LRP1B: variants seen among roughly 807,000 people sequenced by gnomAD.
LRP1B encodes the protein LDL receptor related protein 1B.
LRP1B carries 217 observed loss-of-function variants against 556.6 expected under a neutral mutation model. That is an observed-to-expected ratio of 0.39 (90% CI 0.35 to 0.44). LRP1B has a LOEUF of 0.44. Among genes scored for constraint, LRP1B ranks in the 20% least tolerant of loss-of-function variants. The pLI is 1.00. For synonymous variants in LRP1B, 2,047 were observed against 1,865.8 expected (o/e 1.10, Z -2.50); for missense variants, 5,053 against 5,620.8 (o/e 0.90, Z 3.23).
intron 2 of LRP1B, among the ~76,000 whole-genome samples, chr2:141,751,861 AT>A (rs955785451): frequency 1.7e-4 from 25 of 148,282 alleles, no homozygotes; most frequent in Middle Eastern, 3.4e-3. Context: ...AGTATGACTG[AT>A]TTTTTTTTAT....
At chr2:141,718,861 G>A (rs921806818) in intron 2 of LRP1B, among the ~76,000 whole-genome samples, 1 of 152,128 alleles carries the variant, frequency 6.6e-6, no homozygotes, top group Non-Finnish European at 1.5e-5. Flanking sequence ...AGAAGAAAGT[G>A]AGGATAAAAG....
rs561520570 is a variant in LRP1B, at chr2:140,623,482, A to G, written c.6800-21843T>C. ...ATTATATCAAAAGGCATTATATCAA[A>G]GTAACAATATATCTAGTAACAATAA... On this transcript the variant is annotated intron_variant, in intron 41 of 90. Transcript: ENST00000389484. Among the ~76,000 whole-genome samples, 183 of 152,328 alleles carry G rather than the reference A, an allele frequency of 1.2e-3. 1 individual carries two copies. Among genetic ancestry groups the G allele is most frequent in the Non-Finnish European group, 2.4e-3 (160 of 68,026 alleles).
intron 1 of LRP1B, among the ~76,000 whole-genome samples, chr2:141,876,471 C>G (rs1698762764): frequency 6.6e-6 from 1 of 151,834 alleles, no homozygotes; most frequent in Non-Finnish European, 1.5e-5. Flanking sequence ...GAGACATAAG[C>G]TGTCCTCCAT....
chr2:141,215,255 G>C (rs1364455300), intron 6 of LRP1B, among the ~76,000 whole-genome samples: 1 of 152,130 alleles, frequency 6.6e-6, no homozygotes, highest in East Asian at 1.9e-4. Context: ...ACCTTCCTGA[G>C]ACCTCCCCAG....
chr2:140,895,284 A>G (rs1429706065), intron 23 of LRP1B, among the ~76,000 whole-genome samples: 3 of 152,208 alleles, frequency 2.0e-5, no homozygotes, highest in African/African-American at 7.2e-5. Flanking sequence ...GTTATTTGCA[A>G]TGTTACTATA....
chr2:140,563,751 G>T (rs1196085184), intron 43 of LRP1B, among the ~76,000 whole-genome samples: 2 of 152,160 alleles, frequency 1.3e-5, no homozygotes, highest in African/African-American at 4.8e-5. Context: ...AAAATATTCA[G>T]AGGAGTTTTA....
In LRP1B at chr2:141,886,964, CTTTTTT is replaced by C. The variant is rs66668893; in HGVS notation, c.83-76569_83-76564del. 1.6e-3 allele frequency among the ~76,000 whole-genome samples: 234 copies of C among 142,242 alleles called. 3 individuals carry two copies. Among genetic ancestry groups the C allele is most frequent in the South Asian group, 0.013 (58 of 4,576 alleles). The allele number at this position is 142,242 out of a possible 152,430, so 93.3% of individuals were successfully genotyped here. A position where few individuals can be genotyped will look rare whatever the true frequency, so the allele number is the denominator to read the frequency against. ...GAGGGGATGGTTGATTTTTCTTTTT[CTTTTTT>C]TTTTTTTTTGGGTTTTTTGTTTGTT... On this transcript the variant is annotated intron_variant, in intron 1 of 90. Coordinates refer to ENST00000389484, the MANE Select transcript of LRP1B (RefSeq NM_018557.3).
chr2:141,554,550 A>G (rs999914867), intron 2 of LRP1B, among the ~76,000 whole-genome samples: 22 of 151,850 alleles, frequency 1.4e-4, no homozygotes, highest in Non-Finnish European at 1.5e-5. Context: ...ATATGAAAGG[A>G]AAGACATACT....
rs189479659 is a variant in LRP1B at position 140,900,015 on chromosome 2, C to T, written c.3766+2905G>A. ...AAAAAACTATGATCAAATAAATTTG[C>T]TATGATTTTCTCTTGTTAACTGGTC... On this transcript the variant is annotated intron_variant, in intron 23 of 90. Transcript: ENST00000389484. Among the ~76,000 whole-genome samples the T allele has an allele frequency of 1.2e-4, 19 of 152,038 alleles. No individual in the cohort carries two copies. The East Asian group carries it at 3.5e-3, about 28-fold the overall frequency.
chr2:141,469,003 C>T (rs1050980401), intron 3 of LRP1B, among the ~76,000 whole-genome samples: 2 of 151,464 alleles, frequency 1.3e-5, no homozygotes, highest in East Asian at 3.9e-4. Flanking sequence ...GTTCTACAAT[C>T]CCTTGTGGCA....
At chr2:141,577,626 C>G (rs545683941) in intron 2 of LRP1B, among the ~76,000 whole-genome samples, 1 of 152,206 alleles carries the variant, frequency 6.6e-6, no homozygotes, top group East Asian at 1.9e-4. Flanking sequence ...GCTAAAGCCC[C>G]CTTCAGCTAT....
chr2:141,453,912 CAA>C (rs1355287603), intron 3 of LRP1B, among the ~76,000 whole-genome samples: 8 of 100,188 alleles, frequency 8.0e-5, no homozygotes, highest in Non-Finnish European at 8.5e-5. Context: ...GACTCTGTCT[CAA>C]AAAAAAAAAA....
intron 7 of LRP1B, among the ~76,000 whole-genome samples, chr2:141,128,556 G>A (rs573409318): frequency 6.6e-6 from 1 of 152,280 alleles, no homozygotes; most frequent in African/African-American, 2.4e-5. Flanking sequence ...GCAGCTCTTT[G>A]AGAATAATAA....
chr2:140,448,881 T>C (rs2105311249), intron 63 of LRP1B, among the ~76,000 whole-genome samples: 1 of 152,202 alleles, frequency 6.6e-6, no homozygotes, highest in Non-Finnish European at 1.5e-5. Flanking sequence ...TGTAGAAATT[T>C]ACTTGTCAAT....
intron 2 of LRP1B, among the ~76,000 whole-genome samples, chr2:141,524,280 A>AT (rs1553528056): frequency 4.0e-5 from 6 of 151,416 alleles, no homozygotes; most frequent in East Asian, 3.9e-4. Context: ...ATATATATAT[A>AT]AAACTCAATG....
chr2:141,876,496 T>A (rs1182927800), intron 1 of LRP1B, among the ~76,000 whole-genome samples: 4 of 151,956 alleles, frequency 2.6e-5, no homozygotes, highest in Admixed American at 1.3e-4. Context: ...ATTTACTCTT[T>A]CTGCATCAGG....
intron 2 of LRP1B, among the ~76,000 whole-genome samples, chr2:141,731,272 A>C (rs564893706): frequency 4.6e-5 from 7 of 152,212 alleles, no homozygotes; most frequent in African/African-American, 1.4e-4. Flanking sequence ...TTCCAGGCAC[A>C]GTGTCTGGGC....
chr2:140,636,326 C>T (rs146847765), intron 41 of LRP1B, among the ~76,000 whole-genome samples: 66 of 152,132 alleles, frequency 4.3e-4, no homozygotes, highest in African/African-American at 1.4e-3. Context: ...TTCAATAATA[C>T]ACATTAATTT....
At chr2:140,622,707 G>A (rs2105254982) in intron 41 of LRP1B, among the ~76,000 whole-genome samples, 1 of 152,276 alleles carries the variant, frequency 6.6e-6, no homozygotes, top group East Asian at 1.9e-4. Flanking sequence ...AGAATCTAAA[G>A]AGACAATAAC....
Sources: allele counts gnomAD v4.1 joint callset (sites outside exome capture counted in the v4.1 genomes callset), GRCh38; gene constraint gnomAD v4.1.1; transcripts MANE v1.5; gene names NCBI Gene and HGNC (gene_info 2026-07-23, HGNC 2026-07-21).